The following PCDHGB3 variants were observed in gnomAD, a reference collection of about 807,000 sequenced individuals.
PCDHGB3 encodes protocadherin gamma-B3.
In PCDHGB3, 40 loss-of-function variants were observed where a neutral mutation model predicts 59.2. That is an observed-to-expected ratio of 0.68 (90% CI 0.52 to 0.88). The LOEUF (loss-of-function observed/expected upper bound fraction) is 0.88, where lower values mean the gene tolerates loss of function less well. Among genes scored for constraint, PCDHGB3 ranks in the 40% least tolerant of loss-of-function variants. The pLI, the probability that PCDHGB3 is intolerant of heterozygous loss-of-function variation, is 0.00. For synonymous variants in PCDHGB3, 581 were observed against 503.6 expected (o/e 1.15, Z -2.06); for missense variants, 1,309 against 1,187.9 (o/e 1.10, Z -1.50).
chr5:141,417,713 C>G, intron 1 of PCDHGB3: 1 of 1,271,750 alleles, frequency 7.9e-7, no homozygotes, highest in Non-Finnish European at 1.1e-6. Flanking sequence ...CAGAGGCTCC[C>G]GGCTGCGCAG....
intron 1 of PCDHGB3, among the ~76,000 whole-genome samples, chr5:141,470,598 G>A (rs2099234276): frequency 6.6e-6 from 1 of 152,184 alleles, no homozygotes; most frequent in Admixed American, 6.5e-5. Flanking sequence ...GGCGACCTGT[G>A]CGGGGACACA....
intron 1 of PCDHGB3, chr5:141,409,807 C>T (rs1561723178): frequency 1.2e-6 from 2 of 1,611,592 alleles, no homozygotes; most frequent in Non-Finnish European, 1.7e-6. Flanking sequence ...TGCAGGCCCG[C>T]GACCACGGCT....
intron 1 of PCDHGB3, chr5:141,413,459 A>C: frequency 1.9e-6 from 3 of 1,614,080 alleles, no homozygotes; most frequent in Non-Finnish European, 2.5e-6. Flanking sequence ...GGCAGGATAG[A>C]CCGGGAGGAG....
chr5:141,468,952 G>GA (rs2099186671), intron 1 of PCDHGB3, among the ~76,000 whole-genome samples: 1 of 151,198 alleles, frequency 6.6e-6, no homozygotes. Context: ...TAAACCTGTG[G>GA]TTTTTTTTAC....
In PCDHGB3 at chr5:141,418,939, C is replaced by T. The variant is rs766248741; in HGVS notation, c.2415+46130C>T. The T allele has an allele frequency of 8.7e-6, 14 of 1,613,642 alleles. No individual in the cohort carries two copies. In the African/African-American group the frequency reaches 1.7e-4, roughly 20 times the overall value. On this transcript the variant is annotated intron_variant, in intron 1 of 3. Transcript: ENST00000576222. ...TCTCTGATCAGATTATGGAGGATTC[C>T]CCTCCAGGAGTGGTTGTTGCCCTCT...
intron 1 of PCDHGB3, chr5:141,427,870 C>A (rs773176633): frequency 3.2e-6 from 5 of 1,558,750 alleles, no homozygotes; most frequent in Non-Finnish European, 4.4e-6. Context: ...TTCGAGCTCA[C>A]GATGCAGGCC....
At chr5:141,374,635 C>T (rs759050511) in intron 1 of PCDHGB3, 1 of 1,613,044 alleles carries the variant, frequency 6.2e-7, no homozygotes, top group Non-Finnish European at 8.5e-7. Flanking sequence ...ACGTGCAAAG[C>T]GAAGCCCATG....
chr5:141,409,080 C>T (rs2095221617), intron 1 of PCDHGB3: 1 of 1,613,988 alleles, frequency 6.2e-7, no homozygotes, highest in Non-Finnish European at 8.5e-7. Context: ...CATATGTTCT[C>T]ATTGGATGAG....
At chr5:141,413,148 CTT>C (rs2095608671) in intron 1 of PCDHGB3, 2 of 1,570,414 alleles carry the variant, frequency 1.3e-6, no homozygotes, top group South Asian at 1.2e-5. Flanking sequence ...CCAGTGAGGA[CTT>C]TGCAGAATTC....
At chr5:141,394,753 A>G (rs2093084981) in intron 1 of PCDHGB3, 1 of 1,613,278 alleles carries the variant, frequency 6.2e-7, no homozygotes, top group Admixed American at 1.7e-5. Context: ...GTGGCCGTCC[A>G]GGACCATGGC....
Position 141,490,602 on chromosome 5 carries a change from C to G in PCDHGB3, c.2416-4205C>G, listed in dbSNP as rs1249440194. On this transcript the variant is annotated intron_variant, in intron 1 of 3. Transcript: ENST00000576222. This position sits in a 1 kb window ranked among gnomAD's most constrained non-coding sequence, Gnocchi z 5.4. Reference sequence around the variant, plus strand: ...ATGTCAATGACAATGCACCCCGCTTCAACCAGCAGCTTTACACTGCTTACA... The same window carrying G: ...ATGTCAATGACAATGCACCCCGCTTGAACCAGCAGCTTTACACTGCTTACA... The G allele has an allele frequency of 6.2e-7, 1 of 1,614,084 alleles. No individual in the cohort carries two copies. Among genetic ancestry groups the G allele is most frequent in the African/African-American group, 1.3e-5 (1 of 74,930 alleles).
chr5:141,382,792 T>C (rs993602404), intron 1 of PCDHGB3: 3 of 949,494 alleles, frequency 3.2e-6, no homozygotes, highest in Middle Eastern at 2.2e-4. Flanking sequence ...GCCTCTATCC[T>C]GCTGGATTCT....
At chr5:141,420,268 T>C (rs375162019) in intron 1 of PCDHGB3, 254 of 1,543,666 alleles carry the variant, frequency 1.6e-4, no homozygotes, top group Non-Finnish European at 2.1e-4. Context: ...AGAAGATTCT[T>C]AAACAGGTAA....
chr5:141,479,342 G>A (rs926832955), intron 1 of PCDHGB3: 1 of 152,486 alleles, frequency 6.6e-6, no homozygotes, highest in Admixed American at 6.5e-5. Flanking sequence ...TGCACCTGTA[G>A]TTCTTGCTGC....
At position 141,491,679 on chromosome 5, in the gene PCDHGB3, T is replaced by C. The variant is rs111288145; in HGVS notation, c.2416-3128T>C. On this transcript the variant is annotated intron_variant, in intron 1 of 3. Coordinates refer to ENST00000576222, the MANE Select transcript of PCDHGB3 (RefSeq NM_018924.5). This position sits in a 1 kb window ranked among gnomAD's most constrained non-coding sequence, Gnocchi z 6.9. ...CTGACGCCATCCGGTCCCGCTCTAA[T>C]ACGCTGCGGGAGCGGAGCCAGGTGA... is the stretch of plus-strand genomic sequence containing the variant. 21 of 1,613,378 alleles carry C rather than the reference T, an allele frequency of 1.3e-5. No homozygotes were observed. Among genetic ancestry groups the C allele is most frequent in the Middle Eastern group, 1.6e-4 (1 of 6,078 alleles).
At chr5:141,494,714 C>G in intron 1 of PCDHGB3, 93 bp from the exon 2 acceptor site, 2 of 1,603,958 alleles carry the variant, frequency 1.2e-6, no homozygotes, top group East Asian at 4.5e-5. Context: ...TGTGCCCACT[C>G]CCCTCCTTCT....
Position 141,385,517 on chromosome 5 carries a change from T to G in PCDHGB3, c.2415+12708T>G, listed in dbSNP as rs887255170. 4.4e-6 allele frequency: 6 copies of G among 1,367,514 alleles called. No individual in the cohort carries two copies. In the Admixed American group the frequency reaches 2.0e-4, roughly 47 times the overall value. The allele number at this position is 1,367,514 out of a possible 1,614,324, so 84.7% of individuals were successfully genotyped here. A position where few individuals can be genotyped will look rare whatever the true frequency, so the allele number is the denominator to read the frequency against. The stretch of plus-strand genomic sequence containing the variant: ...ATATAGTATTTCTTTAGTGAAAGCC[T>G]ATGGACAAGATTATGAATATGTGGA... On this transcript the variant is annotated intron_variant, in intron 1 of 3. Transcript: ENST00000576222.
chr5:141,480,240 CA>C lies in PCDHGB3; in HGVS notation c.2416-14552del, dbSNP rs11374694. 4.6e-3 allele frequency among the ~76,000 whole-genome samples: 522 copies of C among 113,846 alleles called. 1 individual carries two copies. Among genetic ancestry groups the C allele is most frequent in the Non-Finnish European group, 5.4e-3 (287 of 52,954 alleles). 74.7% of individuals were successfully genotyped at this position (113,846 alleles called of 152,430 possible). A position where few individuals can be genotyped will look rare whatever the true frequency, so the allele number is the denominator to read the frequency against. ...GCGACATAGTGAGATCCTGTCTCTACAAAAAAAAAAAAAAATGTGTTTTCAT... is the reference window on the plus strand; with the variant it reads ...GCGACATAGTGAGATCCTGTCTCTACAAAAAAAAAAAAAATGTGTTTTCAT... On this transcript the variant is annotated intron_variant, in intron 1 of 3. Coordinates refer to ENST00000576222, the MANE Select transcript of PCDHGB3 (RefSeq NM_018924.5).
chr5:141,370,895 G>A lies in PCDHGB3; in HGVS notation c.501G>A (p.Leu167=), dbSNP rs574834175. 79 of 1,614,032 alleles carry A rather than the reference G, an allele frequency of 4.9e-5. 1 individual carries two copies. In the East Asian group the frequency reaches 1.7e-3, roughly 34 times the overall value. The change falls in exon 1 of 4, where the codon CTG becomes CTA. Residue 167 remains leucine (L), a synonymous_variant. Transcript: ENST00000576222. ...ATCCTGATGTAGGTGTCAATTCGCT[G>A]CAGCAGTACTACCTCAGCCCTGATC... ...AQDPDVGVNS[L]QQYYLSPDPH...
Sources: gnomAD v4.1 joint callset for allele counts (sites outside exome capture counted in the v4.1 genomes callset) on GRCh38, gnomAD v4.1.1 for gene constraint, Gnocchi (gnomAD v3.1) non-coding constraint, MANE v1.5 for transcripts, NCBI Gene and HGNC (gene_info 2026-07-23, HGNC 2026-07-21) for gene names.